Variants in MARCHF8 observed in about 807,000 individuals in gnomAD.
MARCHF8 encodes membrane associated ring-CH-type finger 8.
In MARCHF8, 40 loss-of-function variants were observed where a neutral mutation model predicts 51.6. That is an observed-to-expected ratio of 0.77 (90% CI 0.60 to 1.01). The LOEUF (loss-of-function observed/expected upper bound fraction) is 1.01. Ranked by LOEUF, MARCHF8 falls within the 50% of genes least tolerant of loss-of-function variation. The pLI is 0.00. For synonymous variants in MARCHF8, 263 were observed against 280.3 expected (o/e 0.94, Z 0.62); for missense variants, 685 against 708.6 (o/e 0.97, Z 0.38).
chr10:45,505,286 A>G (rs1305469017), intron 2 of MARCHF8, among the ~76,000 whole-genome samples: 1 of 151,918 alleles, frequency 6.6e-6, no homozygotes, highest in Admixed American at 6.6e-5. Flanking sequence ...TTGGGTCCCC[A>G]CTCCCAGTCC....
chr10:45,460,733 A>G (rs1428023004), intron 6 of MARCHF8, among the ~76,000 whole-genome samples: 2 of 152,182 alleles, frequency 1.3e-5, no homozygotes, highest in Non-Finnish European at 2.9e-5. Flanking sequence ...AGACAGTTGC[A>G]CATCACGCAA....
At chr10:45,541,871 T>A (rs2044057370) in intron 1 of MARCHF8, among the ~76,000 whole-genome samples, 3 of 152,208 alleles carry the variant, frequency 2.0e-5, no homozygotes, top group Admixed American at 2.0e-4. Flanking sequence ...ATGGGGAAGA[T>A]TCTGTCCATT....
chr10:45,541,082 G>A (rs574082128), intron 1 of MARCHF8, among the ~76,000 whole-genome samples: 1 of 152,122 alleles, frequency 6.6e-6, no homozygotes, highest in African/African-American at 2.4e-5. Context: ...TATACTCAAA[G>A]GATTATAAAT....
At chr10:45,514,371 G>A (rs1016917574) in intron 2 of MARCHF8, among the ~76,000 whole-genome samples, 17 of 152,204 alleles carry the variant, frequency 1.1e-4, no homozygotes, top group Admixed American at 5.9e-4. Flanking sequence ...ATTGGTGTGC[G>A]CTCAGTGCAG....
At chr10:45,510,510 GA>G (rs2043478342) in intron 2 of MARCHF8, among the ~76,000 whole-genome samples, 1 of 151,764 alleles carries the variant, frequency 6.6e-6, no homozygotes. Flanking sequence ...TTTAACTCAG[GA>G]AAAAAACAAT....
intron 1 of MARCHF8, among the ~76,000 whole-genome samples, chr10:45,576,974 G>GAAA (rs58593536): frequency 1.7e-5 from 2 of 120,416 alleles, no homozygotes; most frequent in African/African-American, 3.0e-5. Flanking sequence ...AAAGAGAAAA[G>GAAA]AAAAAAAAAA....
chr10:45,486,437 A>C, intron 3 of MARCHF8, among the ~76,000 whole-genome samples: 1 of 152,086 alleles, frequency 6.6e-6, no homozygotes, highest in Non-Finnish European at 1.5e-5. Context: ...GGTGGCACGC[A>C]CCTGTAATCC....
chr10:45,557,987 T>C (rs2044270988), intron 1 of MARCHF8, among the ~76,000 whole-genome samples: 1 of 152,234 alleles, frequency 6.6e-6, no homozygotes, highest in Non-Finnish European at 1.5e-5. Flanking sequence ...TAGTATATTA[T>C]GTAAGAAATG....
In MARCHF8 at chr10:45,463,631, C is replaced by A. The variant is rs976499326; in HGVS notation, c.608G>T (p.Arg203Ile). The A allele has an allele frequency of 2.1e-5, 33 of 1,550,516 alleles. No individual in the cohort carries two copies. The highest frequency in any genetic ancestry group is 2.7e-5 in the African/African-American group (2 of 73,046). ...RTNRFHHKEKRTLNHKPLGNS... is the reference protein window; with the variant it reads ...RTNRFHHKEKITLNHKPLGNS... ...GCCAAGAGGTTTGTGGTTCAGGGTTCTTTTTTCTTTATGATGAAACCTGTT... is the reference window on the plus strand; with the variant it reads ...GCCAAGAGGTTTGTGGTTCAGGGTTATTTTTTCTTTATGATGAAACCTGTT... The change falls in exon 5 of 8, where the codon AGA (arginine) becomes ATA (isoleucine). Residue 203 changes from arginine (R) to isoleucine (I), a missense_variant. Transcript: ENST00000453424.
intron 3 of MARCHF8, among the ~76,000 whole-genome samples, chr10:45,479,691 A>G (rs2042851028): frequency 6.6e-6 from 1 of 152,206 alleles, no homozygotes; most frequent in African/African-American, 2.4e-5. Flanking sequence ...TATGCCTTTC[A>G]TCTTCCCCCA....
intron 1 of MARCHF8, among the ~76,000 whole-genome samples, chr10:45,570,140 G>A (rs1253353064): frequency 2.0e-5 from 3 of 152,012 alleles, no homozygotes; most frequent in Non-Finnish European, 4.4e-5. Context: ...GAAAATAAAG[G>A]AGTAAACAAT....
At chr10:45,593,215 TAA>T (rs2044700922) in intron 1 of MARCHF8, among the ~76,000 whole-genome samples, 1 of 149,060 alleles carries the variant, frequency 6.7e-6, no homozygotes, top group Non-Finnish European at 1.5e-5. Flanking sequence ...AGACAAGGTG[TAA>T]AAGAGTATGG....
chr10:45,588,570 CA>C (rs2133442690), intron 1 of MARCHF8, among the ~76,000 whole-genome samples: 1 of 152,284 alleles, frequency 6.6e-6, no homozygotes, highest in South Asian at 2.1e-4. Flanking sequence ...AGAGATTACA[CA>C]TTTTTTCAAA....
intron 1 of MARCHF8, among the ~76,000 whole-genome samples, chr10:45,568,094 G>A (rs1467523133): frequency 6.6e-6 from 1 of 152,138 alleles, no homozygotes; most frequent in Non-Finnish European, 1.5e-5. Context: ...TTGACAAATA[G>A]AAATGCTACT....
chr10:45,476,151 A>C (rs1454669243), intron 3 of MARCHF8, among the ~76,000 whole-genome samples: 1 of 152,238 alleles, frequency 6.6e-6, no homozygotes, highest in Non-Finnish European at 1.5e-5. Flanking sequence ...AGGACACAAG[A>C]AATGAAAAAT....
At chr10:45,483,480 G>C (rs2133055582) in intron 3 of MARCHF8, among the ~76,000 whole-genome samples, 1 of 152,296 alleles carries the variant, frequency 6.6e-6, no homozygotes, top group South Asian at 2.1e-4. Context: ...ATGCAAATTA[G>C]TACAACCAGT....
chr10:45,527,847 G>A (rs1330283178), intron 2 of MARCHF8, among the ~76,000 whole-genome samples: 1 of 151,920 alleles, frequency 6.6e-6, no homozygotes, highest in Non-Finnish European at 1.5e-5. Context: ...ATGCAAAAAC[G>A]CTCAAGAAAA....
intron 2 of MARCHF8, among the ~76,000 whole-genome samples, chr10:45,525,692 C>T (rs1479219769): frequency 3.3e-5 from 5 of 152,190 alleles, no homozygotes; most frequent in Non-Finnish European, 7.3e-5. Flanking sequence ...GAAAATCAGT[C>T]ATAAATCATG....
At chr10:45,576,790 A>G (rs1483829638) in intron 1 of MARCHF8, among the ~76,000 whole-genome samples, 1 of 150,898 alleles carries the variant, frequency 6.6e-6, no homozygotes, top group Non-Finnish European at 1.5e-5. Flanking sequence ...AAAAAAAAAA[A>G]CTAGCCAGGC....
Sources: gnomAD v4.1 joint callset for allele counts (sites outside exome capture counted in the v4.1 genomes callset) on GRCh38, gnomAD v4.1.1 for gene constraint, MANE v1.5 for transcripts, NCBI Gene and HGNC (gene_info 2026-07-23, HGNC 2026-07-21) for gene names.